CUEDC1: variants seen among roughly 807,000 people sequenced by gnomAD.
CUEDC1 encodes CUE domain-containing protein 1.
In CUEDC1, 30 loss-of-function variants were observed where a neutral mutation model predicts 43.7. That is an observed-to-expected ratio of 0.69 (90% CI 0.51 to 0.93). CUEDC1 has a LOEUF of 0.93. CUEDC1 is among the 40% of genes least tolerant of loss of function. The probability of loss-of-function intolerance (pLI) is 0.00; values close to 1 mark genes in which losing one functional copy is unlikely to be tolerated. For missense variants in CUEDC1, 486 were observed against 549.0 expected (o/e 0.89, Z 1.15); for synonymous variants, 223 against 223.6 (o/e 1.00, Z 0.02).
chr17:57,953,575 A>AGG (rs1197104942), intron 1 of CUEDC1, among the ~76,000 whole-genome samples: 3 of 152,168 alleles, frequency 2.0e-5, no homozygotes, highest in African/African-American at 7.2e-5. Context: ...CCTGGTTCCA[A>AGG]GGGGGTATAT....
At chr17:57,897,787 G>A (rs1046717223) in intron 1 of CUEDC1, among the ~76,000 whole-genome samples, 1 of 152,166 alleles carries the variant, frequency 6.6e-6, no homozygotes, top group Non-Finnish European at 1.5e-5. Context: ...GGCTGAGGCG[G>A]GTGAATCACG....
chr17:57,905,337 T>C (rs2074520103), intron 1 of CUEDC1, among the ~76,000 whole-genome samples: 2 of 150,242 alleles, frequency 1.3e-5, no homozygotes, highest in African/African-American at 4.9e-5. Flanking sequence ...GTCACTCTGG[T>C]ATTCCAGAGG....
chr17:57,934,670 G>A (rs564338093), intron 1 of CUEDC1, among the ~76,000 whole-genome samples: 2 of 150,054 alleles, frequency 1.3e-5, no homozygotes, highest in Non-Finnish European at 1.5e-5. Flanking sequence ...TTCCTTAACA[G>A]ATACATAGAG....
At chr17:57,944,164 A>T (rs1323527289) in intron 1 of CUEDC1, among the ~76,000 whole-genome samples, 1 of 151,334 alleles carries the variant, frequency 6.6e-6, no homozygotes, top group Non-Finnish European at 1.5e-5. Flanking sequence ...TGCAGTAAGC[A>T]TGCAATAAAT....
rs56825424 is a variant in CUEDC1, at chr17:57,946,004, T to TA, written c.-316+9220dup. Among the ~76,000 whole-genome samples the TA allele has an allele frequency of 2.8e-3, 405 of 146,284 alleles. 2 individuals carry two copies. Among genetic ancestry groups the TA allele is most frequent in the African/African-American group, 9.3e-3 (371 of 39,740 alleles). ...AAGACTCCACCTCAAAAATAAAAAATAAAAAAAAAACACCAAAAAACCATT... is the reference window on the plus strand; with the variant it reads ...AAGACTCCACCTCAAAAATAAAAAATAAAAAAAAAAACACCAAAAAACCATT... On this transcript the variant is annotated intron_variant, in intron 1 of 10. Coordinates refer to ENST00000577830, the MANE Select transcript of CUEDC1 (RefSeq NM_001271875.2).
chr17:57,882,943 A>C (rs951145452), intron 2 of CUEDC1, among the ~76,000 whole-genome samples: 2 of 152,162 alleles, frequency 1.3e-5, no homozygotes, highest in Non-Finnish European at 2.9e-5. Context: ...GAAAATCAAA[A>C]GTTATATTAA....
intron 1 of CUEDC1, among the ~76,000 whole-genome samples, chr17:57,939,897 G>A (rs2074901227): frequency 6.6e-6 from 1 of 152,242 alleles, no homozygotes; most frequent in Admixed American, 6.5e-5. Context: ...GCACCATGCA[G>A]ACTCACTGAG....
chr17:57,867,060 G>C (rs2073969313), intron 9 of CUEDC1: 1 of 503,546 alleles, frequency 2.0e-6, no homozygotes, highest in Non-Finnish European at 3.6e-6. Flanking sequence ...ATGGGGGCAG[G>C]CCTGTCTGCC....
chr17:57,869,366 T>C (rs993659779), intron 6 of CUEDC1, among the ~76,000 whole-genome samples, 173 bp from the exon 7 acceptor site: 48 of 152,170 alleles, frequency 3.2e-4, no homozygotes, highest in African/African-American at 1.1e-3. Context: ...TTTCCCCTTG[T>C]GGACTTTGTT....
At chr17:57,924,944 C>T in intron 1 of CUEDC1, among the ~76,000 whole-genome samples, 1 of 152,040 alleles carries the variant, frequency 6.6e-6, no homozygotes, top group East Asian at 1.9e-4. Context: ...GGGGTGTCAA[C>T]AATAGTCAGC....
chr17:57,867,593 G>A (rs931028543), intron 8 of CUEDC1, 178 bp from the exon 9 acceptor site: 4 of 624,786 alleles, frequency 6.4e-6, no homozygotes, highest in Non-Finnish European at 1.2e-5. Flanking sequence ...CAGTGGTATG[G>A]CCAGGCCCTG....
At chr17:57,945,703 T>C (rs1388949331) in intron 1 of CUEDC1, among the ~76,000 whole-genome samples, 2 of 152,176 alleles carry the variant, frequency 1.3e-5, no homozygotes, top group Admixed American at 6.6e-5. Context: ...TTAATAAGTA[T>C]TTGGTAGTAA....
At chr17:57,918,318 C>T (rs2074664319) in intron 1 of CUEDC1, among the ~76,000 whole-genome samples, 1 of 152,200 alleles carries the variant, frequency 6.6e-6, no homozygotes, top group Non-Finnish European at 1.5e-5. Context: ...GCCGGGAACC[C>T]TCTGGGTCTG....
chr17:57,908,032 C>A (rs796362992), intron 1 of CUEDC1, among the ~76,000 whole-genome samples: 3 of 152,162 alleles, frequency 2.0e-5, no homozygotes, highest in African/African-American at 7.2e-5. Context: ...CTCGTTCACA[C>A]ACGCATGCCC....
rs2075035810 is a variant in CUEDC1 at position 57,954,396 on chromosome 17, C to A, written c.-316+829G>T. Among the ~76,000 whole-genome samples, 1 of 152,202 alleles carries A rather than the reference C, an allele frequency of 6.6e-6. No homozygotes were observed. Among genetic ancestry groups the A allele is most frequent in the Non-Finnish European group, 1.5e-5 (1 of 68,040 alleles). ...CCTCCCCTTAAAACACATTCCGTCT[C>A]AGGAATTTAATTTCAGTGTACGTTT... On this transcript the variant is annotated intron_variant, in intron 1 of 10. Transcript: ENST00000577830. The surrounding 1 kb of genome is among the most constrained non-coding windows in gnomAD (Gnocchi z 4.3).
At chr17:57,864,000 CAAAAAAA>C (rs71365846) in intron 10 of CUEDC1, among the ~76,000 whole-genome samples, 6 of 82,570 alleles carry the variant, frequency 7.3e-5, no homozygotes, top group Admixed American at 1.3e-4. Flanking sequence ...GACTCCATCT[CAAAAAAA>C]AAAAAAAAAA....
At chr17:57,933,647 T>C (rs572992178) in intron 1 of CUEDC1, among the ~76,000 whole-genome samples, 1 of 152,194 alleles carries the variant, frequency 6.6e-6, no homozygotes, top group Non-Finnish European at 1.5e-5. Context: ...GTTGCAGGGA[T>C]GCAGGGCTAG....
intron 1 of CUEDC1, among the ~76,000 whole-genome samples, chr17:57,922,211 C>T (rs995175714): frequency 6.6e-6 from 1 of 152,190 alleles, no homozygotes; most frequent in African/African-American, 2.4e-5. Flanking sequence ...GATAAAGTGA[C>T]TTGCTCAAAC....
intron 1 of CUEDC1, among the ~76,000 whole-genome samples, chr17:57,898,660 G>A (rs982215771): frequency 1.1e-4 from 17 of 152,166 alleles, no homozygotes; most frequent in Admixed American, 9.8e-4. Flanking sequence ...ACACCCCAAG[G>A]CCACATAGTT....
Sources: gnomAD v4.1 joint callset for allele counts (sites outside exome capture counted in the v4.1 genomes callset) on GRCh38, gnomAD v4.1.1 for gene constraint, Gnocchi (gnomAD v3.1) non-coding constraint, MANE v1.5 for transcripts, NCBI Gene and HGNC (gene_info 2026-07-23, HGNC 2026-07-21) for gene names.